CFAP74: variants seen among roughly 807,000 people sequenced by gnomAD.
CFAP74 encodes cilia and flagella associated protein 74.
A neutral mutation model predicts 188.9 loss-of-function variants in CFAP74; 124 were observed. That is an observed-to-expected ratio of 0.66 (90% confidence interval 0.57 to 0.76). The LOEUF is 0.76. Ranked by LOEUF, CFAP74 falls within the 30% of genes least tolerant of loss-of-function variation. The pLI is 0.00. For missense variants in CFAP74, 2,198 were observed against 2,165.2 expected (o/e 1.02, Z -0.30); for synonymous variants, 956 against 916.7 (o/e 1.04, Z -0.77).
chr1:1,932,600 CTTTTTTTT>C (rs904715734), intron 25 of CFAP74, among the ~76,000 whole-genome samples: 1 of 142,212 alleles, frequency 7.0e-6, no homozygotes, highest in African/African-American at 2.6e-5. Flanking sequence ...TTCTTTTTTT[CTTTTTTTT>C]TTTGAGACAG....
rs1417744299 is a variant in CFAP74 at position 1,974,194 on chromosome 1, T to A, written c.505A>T (p.Thr169Ser). ...TEAVLKESEN[T>S]MWHIEIQEGR... ...TCCTGGATCTCGATGTGCCACATGG[T>A]GTTCCTTCAAACAAGAGGCAAAGCA... Residue 169 changes from threonine (T) to serine (S), a missense_variant, in exon 7 of 39, where the codon ACC becomes TCC. Coordinates refer to ENST00000682832, the MANE Select transcript of CFAP74 (RefSeq NM_001304360.2). 4 of 1,592,112 alleles carry A rather than the reference T, an allele frequency of 2.5e-6. No homozygotes were observed. The highest frequency in any genetic ancestry group is 4.5e-5 in the East Asian group (2 of 44,326).
rs548809227 is a variant in CFAP74 at position 1,993,433 on chromosome 1, G to A, written c.-19-2458C>T. 4.8e-3 allele frequency among the ~76,000 whole-genome samples: 721 copies of A among 151,384 alleles called. 7 individuals are homozygous for A. The highest frequency in any genetic ancestry group is 0.016 in the African/African-American group (675 of 41,336). ...CCAAAGGAGCTGGGACTACAGGCAC[G>A]CACCACCACACCCAACTGATTTTTG... On this transcript the variant is annotated intron_variant, in intron 1 of 38. Transcript: ENST00000682832.
In CFAP74 at chr1:1,923,771, G is replaced by T. The variant is rs775465632; in HGVS notation, c.4389+4C>A. The T allele has an allele frequency of 6.2e-7, 1 of 1,613,240 alleles. No homozygotes were observed. The highest frequency in any genetic ancestry group is 8.5e-7 in the Non-Finnish European group (1 of 1,179,824). On this transcript the variant is annotated splice_donor_region_variant and intron_variant, in intron 35 of 38. Transcript: ENST00000682832. This position sits in a 1 kb window ranked among gnomAD's most constrained non-coding sequence, Gnocchi z 6.3. ...GGGCTGAGCTTGCAGAGCCAGAGCCGCACCTTTTCAAAGAGCACCACCTGG... is the reference window on the plus strand; with the variant it reads ...GGGCTGAGCTTGCAGAGCCAGAGCCTCACCTTTTCAAAGAGCACCACCTGG...
chr1:1,922,034 G>A lies in CFAP74; in HGVS notation c.*253C>T, dbSNP rs1051045477. On this transcript the variant is annotated 3_prime_UTR_variant, in exon 39 of 39. Coordinates refer to ENST00000682832, the MANE Select transcript of CFAP74 (RefSeq NM_001304360.2). ...TGGGGGCTCTGAGGGGGTCTGGCTAGGATGGCTGAGGGCTGGCCTGGCCTT... is the reference window on the plus strand; with the variant it reads ...TGGGGGCTCTGAGGGGGTCTGGCTAAGATGGCTGAGGGCTGGCCTGGCCTT... The A allele has an allele frequency of 2.7e-5, 14 of 514,256 alleles. No homozygotes were observed. Among genetic ancestry groups the A allele is most frequent in the South Asian group, 2.1e-4 (9 of 43,486 alleles). The allele number at this position is 514,256 out of a possible 1,614,324, so 31.9% of individuals were successfully genotyped here. A position where few individuals can be genotyped will look rare whatever the true frequency, so the allele number is the denominator to read the frequency against.
chr1:1,998,914 A>T (rs964957006), intron 1 of CFAP74, among the ~76,000 whole-genome samples: 2 of 152,068 alleles, frequency 1.3e-5, no homozygotes, highest in Admixed American at 6.6e-5. Context: ...AAATTAAAAA[A>T]TAAAATAAAT....
In CFAP74 at chr1:1,990,944, C is replaced by T. The variant is rs376399691; in HGVS notation, c.13G>A (p.Gly5Ser). The T allele has an allele frequency of 2.2e-5, 36 of 1,612,450 alleles. No homozygotes were observed. Among genetic ancestry groups the T allele is most frequent in the Middle Eastern group, 3.3e-4 (2 of 6,082 alleles). Residue 5 changes from glycine to serine, a missense_variant, in exon 2 of 39, where the codon GGC becomes AGC. By Grantham distance (56) the Gly-to-Ser change is moderately conservative. Transcript: ENST00000682832. ...AGCTCGTCCTCAGGGAGCAGGCTGC[C>T]GTCATCCTCCATGCTGGGAGATAGA... is the stretch of plus-strand genomic sequence containing the variant. MEDD[G>S]SLLPEDELLA...
intron 1 of CFAP74, among the ~76,000 whole-genome samples, chr1:1,996,718 T>C (rs935480539): frequency 9.9e-5 from 15 of 151,660 alleles, no homozygotes; most frequent in African/African-American, 3.6e-4. Flanking sequence ...GTCCGGAGTT[T>C]GAGACCAGCC....
chr1:1,961,449 GCAA>G (rs1489864295), intron 14 of CFAP74, among the ~76,000 whole-genome samples: 1 of 152,198 alleles, frequency 6.6e-6, no homozygotes, highest in East Asian at 1.9e-4. Flanking sequence ...TCCCACTCCA[GCAA>G]CAAGAGGCAG....
At chr1:1,977,569 T>C (rs1656528990) in intron 6 of CFAP74, among the ~76,000 whole-genome samples, 1 of 150,502 alleles carries the variant, frequency 6.6e-6, no homozygotes, top group Non-Finnish European at 1.5e-5. Flanking sequence ...GAGAAGAATG[T>C]AGCCAATCTA....
chr1:1,994,074 A>G (rs909284904), intron 1 of CFAP74, among the ~76,000 whole-genome samples: 7 of 151,044 alleles, frequency 4.6e-5, no homozygotes, highest in Non-Finnish European at 7.4e-5. Flanking sequence ...CTGCGGTGGG[A>G]GGATCACTTG....
chr1:1,956,084 C>T (rs1412162089), intron 17 of CFAP74, among the ~76,000 whole-genome samples: 5 of 152,212 alleles, frequency 3.3e-5, no homozygotes, highest in Admixed American at 6.5e-5. Context: ...CACTCCAGGC[C>T]GGGTGGGCAT....
chr1:1,922,840 C>T (rs925729824), intron 37 of CFAP74, 117 bp from the exon 38 acceptor site: 8 of 1,478,820 alleles, frequency 5.4e-6, no homozygotes, highest in Non-Finnish European at 7.2e-6. Context: ...AGGCTGCCCA[C>T]CCCACAGCTG....
At chr1:1,932,978 A>G (rs1652538318) in intron 25 of CFAP74, among the ~76,000 whole-genome samples, 1 of 142,160 alleles carries the variant, frequency 7.0e-6, no homozygotes, top group East Asian at 2.1e-4. Flanking sequence ...CTCCATCTCC[A>G]GGGTTCACGC....
chr1:1,940,949 A>G (rs1653326181), intron 22 of CFAP74, among the ~76,000 whole-genome samples: 1 of 151,832 alleles, frequency 6.6e-6, no homozygotes, highest in Non-Finnish European at 1.5e-5. Flanking sequence ...CATCTCTACT[A>G]AAAAATACAA....
intron 14 of CFAP74, chr1:1,960,244 C>A: frequency 3.6e-6 from 2 of 561,480 alleles, no homozygotes; most frequent in Non-Finnish European, 6.2e-6. Context: ...CCAGTGTGTG[C>A]GAACGTTTGT....
rs112657762 is a variant in CFAP74, at chr1:1,936,217, CA to C, written c.3011+2637del. Among the ~76,000 whole-genome samples, 222 of 99,976 alleles carry C rather than the reference CA, an allele frequency of 2.2e-3. 1 individual carries two copies. Among genetic ancestry groups the C allele is most frequent in the Middle Eastern group, 7.6e-3 (1 of 132 alleles). The allele number at this position is 99,976 out of a possible 152,430, so 65.6% of individuals were successfully genotyped here. On this transcript the variant is annotated intron_variant, in intron 25 of 38. Transcript: ENST00000682832. ...GGGCAACAAGAGCGATGCTCCGTCTCAAAAAAAAAAAAAAGAAAAAAAGAAA... is the reference window on the plus strand; with the variant it reads ...GGGCAACAAGAGCGATGCTCCGTCTCAAAAAAAAAAAAAGAAAAAAAGAAA...
Position 1,926,320 on chromosome 1 carries a change from C to T in CFAP74, c.3856G>A (p.Gly1286Ser), listed in dbSNP as rs947605962. ...GAGTGGTTCAGCAGGACAAAGGGGC[C>T]GTTGGGGTTCAGCAGGGAGAAGTCC... Reference protein sequence around the residue: ...ALDFSLLNPNGPFVLLNHSSL... With the variant: ...ALDFSLLNPNSPFVLLNHSSL... The change falls in exon 32 of 39, where the codon GGC becomes AGC. Residue 1286 changes from glycine to serine, a missense_variant. Physicochemically the swap from Gly to Ser is moderately conservative, Grantham distance 56. Coordinates refer to ENST00000682832, the MANE Select transcript of CFAP74 (RefSeq NM_001304360.2). The T allele has an allele frequency of 2.8e-5, 43 of 1,547,610 alleles. No homozygotes were observed. Among genetic ancestry groups the T allele is most frequent in the Admixed American group, 3.9e-5 (2 of 50,820 alleles).
intron 1 of CFAP74, among the ~76,000 whole-genome samples, chr1:1,993,361 T>C: frequency 6.6e-6 from 1 of 151,832 alleles, no homozygotes; most frequent in East Asian, 2.0e-4. Flanking sequence ...CACAGCTCAC[T>C]GCAGCCTCCA....
rs1651419419 is a variant in CFAP74, at chr1:1,921,972, AATTT to A, written c.*311_*314del. On this transcript the variant is annotated 3_prime_UTR_variant, in exon 39 of 39. Transcript: ENST00000682832. ...AGGCTGCATGTGTTGGCCTACAAAA[AATTT>A]ATTGACAGGCTGTGGAGGGCTCTCC... The A allele has an allele frequency of 5.8e-6, 2 of 347,522 alleles. No homozygotes were observed. The highest frequency in any genetic ancestry group is 4.3e-5 in the African/African-American group (2 of 46,006). The allele number at this position is 347,522 out of a possible 1,614,324, so 21.5% of individuals were successfully genotyped here. A position where few individuals can be genotyped will look rare whatever the true frequency, so the allele number is the denominator to read the frequency against.
Sources: allele counts gnomAD v4.1 joint callset (sites outside exome capture counted in the v4.1 genomes callset), GRCh38; gene constraint gnomAD v4.1.1; non-coding constraint Gnocchi (gnomAD v3.1); transcripts MANE v1.5; gene names NCBI Gene and HGNC (gene_info 2026-07-23, HGNC 2026-07-21).